The following FIGN variants were observed in gnomAD, a reference collection of about 807,000 sequenced individuals.
FIGN encodes the protein fidgetin.
FIGN carries 11 observed loss-of-function variants against 51.3 expected under a neutral mutation model. The observed-to-expected ratio is 0.21, with a 90% confidence interval of 0.13 to 0.35. The LOEUF is 0.35. Among genes scored for constraint, FIGN ranks in the 10% least tolerant of loss-of-function variants. The probability of loss-of-function intolerance (pLI) is 1.00; values close to 1 mark genes in which losing one functional copy is unlikely to be tolerated. For synonymous variants in FIGN, 407 were observed against 363.2 expected, an observed-to-expected ratio of 1.12 and a Z score of -1.37; for missense variants, 857 against 943.6, an observed-to-expected ratio of 0.91 and a Z score of 1.20.
chr2:163,711,676 A>G (rs923165672), intron 2 of FIGN, among the ~76,000 whole-genome samples: 1 of 145,914 alleles, frequency 6.9e-6, no homozygotes, highest in Non-Finnish European at 1.5e-5. Flanking sequence ...AAAAAAAACT[A>G]TTTCAGTGTC....
At chr2:163,693,816 G>A (rs1036017307) in intron 2 of FIGN, among the ~76,000 whole-genome samples, 4 of 152,126 alleles carry the variant, frequency 2.6e-5, no homozygotes, top group Non-Finnish European at 5.9e-5. Flanking sequence ...TATATCTGAG[G>A]TGATACGAAA....
Position 163,609,564 on chromosome 2 carries a change from A to G in FIGN, c.2268T>C (p.Gly756=), listed in dbSNP as rs759598764. The change falls in exon 3 of 3, where the codon GGT becomes GGC. Residue 756 remains glycine, a synonymous_variant. Coordinates refer to ENST00000333129, the MANE Select transcript of FIGN (RefSeq NM_018086.4). The part of the protein sequence containing the change: ...DMYVEWNKMF[G]CSQ Reference sequence around the variant, plus strand: ...TCTAAAGAAGTTATCACTGACTGCAACCAAACATTTTGTTCCATTCAACAT... The same window carrying G: ...TCTAAAGAAGTTATCACTGACTGCAGCCAAACATTTTGTTCCATTCAACAT... 6.2e-7 allele frequency: 1 copy of G among 1,607,314 alleles called. No homozygotes were observed. Among genetic ancestry groups the G allele is most frequent in the South Asian group, 1.1e-5 (1 of 90,478 alleles).
At chr2:163,734,341 GC>G (rs138093072) in intron 2 of FIGN, among the ~76,000 whole-genome samples, 24,744 of 147,180 alleles carry the variant, frequency 0.17, 2,155 homozygotes, top group Middle Eastern at 0.25. Flanking sequence ...TCACTTACCC[GC>G]CCCCCCCAAA....
At chr2:163,659,980 T>TGGC (rs1437668214) in intron 2 of FIGN, among the ~76,000 whole-genome samples, 9 of 152,166 alleles carry the variant, frequency 5.9e-5, no homozygotes, top group Admixed American at 2.0e-4. Context: ...CACAAGCCTG[T>TGGC]AATCCCAGTA....
chr2:163,730,251 G>T (rs1684904620), intron 2 of FIGN, among the ~76,000 whole-genome samples: 1 of 152,038 alleles, frequency 6.6e-6, no homozygotes, highest in Non-Finnish European at 1.5e-5. Flanking sequence ...CCATTTAAAT[G>T]ATAACATCAA....
intron 2 of FIGN, among the ~76,000 whole-genome samples, chr2:163,632,569 C>A (rs541075674): frequency 6.6e-6 from 1 of 152,272 alleles, no homozygotes; most frequent in East Asian, 1.9e-4. Context: ...TGGAAGTAGC[C>A]TCAGGGTTAT....
chr2:163,734,477 A>G (rs1275365975), intron 2 of FIGN, among the ~76,000 whole-genome samples: 1 of 148,944 alleles, frequency 6.7e-6, no homozygotes, highest in Non-Finnish European at 1.5e-5. Flanking sequence ...GTGTGTGTAC[A>G]TATATATAGA....
At chr2:163,643,043 A>G (rs1437497939) in intron 2 of FIGN, among the ~76,000 whole-genome samples, 1 of 152,146 alleles carries the variant, frequency 6.6e-6, no homozygotes, top group Non-Finnish European at 1.5e-5. Context: ...TGATTCTAAA[A>G]TTCATACGAA....
chr2:163,719,389 GA>G (rs1444886453), intron 2 of FIGN, among the ~76,000 whole-genome samples: 1 of 152,074 alleles, frequency 6.6e-6, no homozygotes, highest in Admixed American at 6.6e-5. Context: ...TACATACACA[GA>G]CATAGGCACA....
At chr2:163,719,004 G>A (rs2105361588) in intron 2 of FIGN, among the ~76,000 whole-genome samples, 1 of 152,178 alleles carries the variant, frequency 6.6e-6, no homozygotes, top group East Asian at 1.9e-4. Flanking sequence ...GCAGCTATAT[G>A]AATAATCATT....
rs770641008 is a variant in FIGN, at chr2:163,610,347, C to T, written c.1485G>A (p.Lys495=). 2 of 1,614,182 alleles carry T rather than the reference C, an allele frequency of 1.2e-6. No homozygotes were observed. The highest frequency in any genetic ancestry group is 2.2e-5 in the South Asian group (2 of 91,080). ...WNDIAGLDLV[K]AVIKEEVLWP... ...ATAAAACCTCCTCTTTAATGACAGC[C>T]TTCACCAGGTCGAGACCAGCAATGT... Residue 495 remains lysine (K), a synonymous_variant, in exon 3 of 3, where the codon AAG becomes AAA. Transcript: ENST00000333129.
chr2:163,649,686 T>C (rs768849329), intron 2 of FIGN, among the ~76,000 whole-genome samples: 49 of 152,212 alleles, frequency 3.2e-4, no homozygotes, highest in Non-Finnish European at 5.9e-4. Context: ...TGAGAAATTA[T>C]GAAATGTTAT....
intron 2 of FIGN, among the ~76,000 whole-genome samples, chr2:163,654,463 A>T (rs939479195): frequency 3.3e-5 from 5 of 152,130 alleles, no homozygotes; most frequent in African/African-American, 9.7e-5. Flanking sequence ...AAGACCATCA[A>T]TGCTGGACCC....
rs539380251 is a variant in FIGN, at chr2:163,730,672, TGA to T, written c.25+4229_25+4230del. 2.3e-3 allele frequency among the ~76,000 whole-genome samples: 345 copies of T among 152,300 alleles called. 2 individuals are homozygous for T. Among genetic ancestry groups the T allele is most frequent in the African/African-American group, 7.7e-3 (318 of 41,564 alleles). On this transcript the variant is annotated intron_variant, in intron 2 of 2. Transcript: ENST00000333129. The stretch of plus-strand genomic sequence containing the variant: ...AAAGACACATACATTTATTTTTTAT[TGA>T]GAGTTAAAATTTATAGCTTTTTCTG...
rs561541149 is a variant in FIGN at position 163,730,363 on chromosome 2, T to C, written c.25+4540A>G. On this transcript the variant is annotated intron_variant, in intron 2 of 2. Coordinates refer to ENST00000333129, the MANE Select transcript of FIGN (RefSeq NM_018086.4). The stretch of plus-strand genomic sequence containing the variant: ...AAAGTTAATGCTAAAAATTCAAGTT[T>C]AGGAAAAAAAGAAGAAAATGACAAA... Among the ~76,000 whole-genome samples, 5 of 152,186 alleles carry C rather than the reference T, an allele frequency of 3.3e-5. No individual in the cohort carries two copies. In the East Asian group the frequency reaches 9.6e-4, roughly 29 times the overall value.
At chr2:163,693,108 C>T (rs1291841266) in intron 2 of FIGN, among the ~76,000 whole-genome samples, 1 of 152,190 alleles carries the variant, frequency 6.6e-6, no homozygotes, top group African/African-American at 2.4e-5. Flanking sequence ...GAACTGGTCA[C>T]CAACCACCTG....
intron 2 of FIGN, among the ~76,000 whole-genome samples, chr2:163,720,303 C>T (rs1684736689): frequency 6.6e-6 from 1 of 152,174 alleles, no homozygotes; most frequent in Non-Finnish European, 1.5e-5. Flanking sequence ...TCTTCAAGGA[C>T]ATATGCATGA....
rs146054028 is a variant in FIGN, at chr2:163,728,636, G to A, written c.25+6267C>T. The stretch of plus-strand genomic sequence containing the variant: ...GTATCTTTTTCGGCAGAGGCAGATG[G>A]AATCATTGTGGAATAGTCAGTCTCC... On this transcript the variant is annotated intron_variant, in intron 2 of 2. Coordinates refer to ENST00000333129, the MANE Select transcript of FIGN (RefSeq NM_018086.4). Among the ~76,000 whole-genome samples the A allele has an allele frequency of 8.7e-3, 1,324 of 152,146 alleles. 21 individuals carry two copies. Among genetic ancestry groups the A allele is most frequent in the African/African-American group, 0.031 (1,267 of 41,498 alleles).
chr2:163,610,563 T>C lies in FIGN; in HGVS notation c.1269A>G (p.Thr423=), dbSNP rs767718058. The C allele has an allele frequency of 3.7e-6, 6 of 1,614,078 alleles. No individual in the cohort carries two copies. In the African/African-American group the frequency reaches 6.7e-5, roughly 18 times the overall value. ...CCCCATGCTCACTCATTACTGGCGA[T>C]GTGTACTTCCCAAAGGATTCACTGG... ...SRSSESFGKY[T]SPVMSEHGDE... Residue 423 remains threonine, a synonymous_variant, in exon 3 of 3, where the codon ACA becomes ACG. Coordinates refer to ENST00000333129, the MANE Select transcript of FIGN (RefSeq NM_018086.4).
Sources: allele counts gnomAD v4.1 joint callset (sites outside exome capture counted in the v4.1 genomes callset), GRCh38; gene constraint gnomAD v4.1.1; transcripts MANE v1.5; gene names NCBI Gene and HGNC (gene_info 2026-07-23, HGNC 2026-07-21).